Variants in JMJD1C observed in about 807,000 individuals in gnomAD.
JMJD1C encodes the protein jumonji domain containing 1C, also known as jumonji domain-containing protein 1C.
Under a neutral mutation model 245.3 loss-of-function variants are expected in JMJD1C, and 31 were observed. The ratio of observed to expected loss-of-function variants is 0.13; its 90% CI spans 0.09 to 0.17. JMJD1C has a LOEUF of 0.17. Ranked by LOEUF, JMJD1C falls within the 10% of genes least tolerant of loss-of-function variation. The probability of loss-of-function intolerance (pLI) is 1.00; values close to 1 mark genes in which losing one functional copy is unlikely to be tolerated. For synonymous variants in JMJD1C, 1,057 were observed against 1,017.4 expected, an observed-to-expected ratio of 1.04 and a Z score of -0.74; for missense variants, 2,691 against 3,000.2, an observed-to-expected ratio of 0.90 and a Z score of 2.41.
chr10:63,348,160 C>A (rs545413238), intron 2 of JMJD1C, among the ~76,000 whole-genome samples: 1 of 148,988 alleles, frequency 6.7e-6, no homozygotes, highest in Non-Finnish European at 1.5e-5. Flanking sequence ...GAGCTGGGAT[C>A]GCGCCATTGT....
intron 1 of JMJD1C, among the ~76,000 whole-genome samples, chr10:63,474,617 AT>A (rs1224287900): frequency 6.6e-6 from 1 of 151,846 alleles, no homozygotes; most frequent in Non-Finnish European, 1.5e-5. Flanking sequence ...CGTCCAGCTC[AT>A]TTTTTATTTT....
intron 1 of JMJD1C, among the ~76,000 whole-genome samples, chr10:63,425,130 A>C (rs1265621032): frequency 1.3e-5 from 2 of 152,218 alleles, no homozygotes; most frequent in African/African-American, 4.8e-5. Flanking sequence ...GGAAAAAAAT[A>C]AAAGTGGAAA....
chr10:63,199,598 A>G (rs190435827), intron 11 of JMJD1C, among the ~76,000 whole-genome samples: 3 of 151,786 alleles, frequency 2.0e-5, no homozygotes, highest in Admixed American at 1.3e-4. Flanking sequence ...CTTTTCCTAG[A>G]TTTTCTTATG....
chr10:63,279,250 C>T lies in JMJD1C; in HGVS notation c.334-14486G>A, dbSNP rs1045737831. ...GGGCAAAAGAGCAAAAACGTGGTCT[C>T]GAAACAAACAAAACAAATTACATAG... On this transcript the variant is annotated intron_variant, in intron 2 of 25. Coordinates refer to ENST00000399262, the MANE Select transcript of JMJD1C (RefSeq NM_032776.3). Among the ~76,000 whole-genome samples the T allele has an allele frequency of 7.3e-5, 11 of 151,656 alleles. 1 individual carries two copies. The highest frequency in any genetic ancestry group is 3.9e-4 in the Admixed American group (6 of 15,198).
intron 24 of JMJD1C, among the ~76,000 whole-genome samples, chr10:63,170,177 C>T (rs1159392614): frequency 2.0e-5 from 3 of 152,142 alleles, no homozygotes; most frequent in South Asian, 2.1e-4. Context: ...GTTCATCCAT[C>T]GTTTTCCTGA....
chr10:63,376,672 G>A (rs1181472188), intron 2 of JMJD1C, among the ~76,000 whole-genome samples: 2 of 152,110 alleles, frequency 1.3e-5, no homozygotes, highest in African/African-American at 4.8e-5. Context: ...CACATGAAAA[G>A]ATGCTCAACA....
intron 17 of JMJD1C, among the ~76,000 whole-genome samples, chr10:63,189,976 C>T (rs757240264): frequency 4.0e-5 from 6 of 151,386 alleles, no homozygotes; most frequent in African/African-American, 7.3e-5. Flanking sequence ...CTACAAGCTC[C>T]GCCTCCCAGA....
At chr10:63,477,050 A>G (rs1953684699) in intron 1 of JMJD1C, among the ~76,000 whole-genome samples, 1 of 152,170 alleles carries the variant, frequency 6.6e-6, no homozygotes, top group Admixed American at 6.6e-5. Flanking sequence ...CAAACTGTAG[A>G]CCTCTCTCAA....
intron 19 of JMJD1C, 149 bp downstream of exon 19, chr10:63,186,066 C>T (rs1034059682): frequency 2.3e-5 from 15 of 643,536 alleles, no homozygotes; most frequent in African/African-American, 3.7e-5. Context: ...GGGATTAGGA[C>T]CCAGTATTTT....
chr10:63,497,438 G>T (rs1480983642), intron 1 of JMJD1C, among the ~76,000 whole-genome samples: 1 of 152,166 alleles, frequency 6.6e-6, no homozygotes, highest in Non-Finnish European at 1.5e-5. Flanking sequence ...GAAATGTCCA[G>T]AACAGGCAAA....
chr10:63,344,876 C>T (rs1426997866), intron 2 of JMJD1C, among the ~76,000 whole-genome samples: 1 of 151,998 alleles, frequency 6.6e-6, no homozygotes, highest in Non-Finnish European at 1.5e-5. Context: ...CTAGTAATAC[C>T]AAGTTCTGGT....
At chr10:63,326,431 T>A (rs867618190) in intron 2 of JMJD1C, among the ~76,000 whole-genome samples, 5 of 148,482 alleles carry the variant, frequency 3.4e-5, no homozygotes, top group African/African-American at 1.3e-4. Context: ...TAAATAAAGA[T>A]AATAAAATAT....
intron 2 of JMJD1C, among the ~76,000 whole-genome samples, chr10:63,313,376 G>A (rs1186297939): frequency 6.6e-6 from 1 of 152,000 alleles, no homozygotes; most frequent in Non-Finnish European, 1.5e-5. Flanking sequence ...CCATATTTTT[G>A]TAATTCTAAA....
intron 1 of JMJD1C, among the ~76,000 whole-genome samples, chr10:63,407,720 A>G (rs1258018186): frequency 6.6e-6 from 1 of 151,954 alleles, no homozygotes; most frequent in African/African-American, 2.4e-5. Context: ...AGAAAACAAA[A>G]CATTAAAAAA....
At chr10:63,198,151 T>C (rs1368727523) in intron 12 of JMJD1C, among the ~76,000 whole-genome samples, 1 of 152,226 alleles carries the variant, frequency 6.6e-6, no homozygotes, top group Non-Finnish European at 1.5e-5. Context: ...GAGAGGTTAT[T>C]TGCCAAAGGT....
At chr10:63,179,471 T>C (rs1843217493) in intron 22 of JMJD1C, among the ~76,000 whole-genome samples, 1 of 151,622 alleles carries the variant, frequency 6.6e-6, no homozygotes, top group Non-Finnish European at 1.5e-5. Flanking sequence ...GAATACTATT[T>C]AGCCATAAAA....
intron 17 of JMJD1C, among the ~76,000 whole-genome samples, chr10:63,190,018 A>G (rs1844585375): frequency 1.3e-5 from 2 of 151,300 alleles, no homozygotes; most frequent in Admixed American, 1.3e-4. Flanking sequence ...AGACTCCCAA[A>G]TAGTTGAGAT....
At chr10:63,333,071 T>G (rs1007919429) in intron 2 of JMJD1C, among the ~76,000 whole-genome samples, 1 of 151,952 alleles carries the variant, frequency 6.6e-6, no homozygotes, top group Non-Finnish European at 1.5e-5. Flanking sequence ...AAACACAGTT[T>G]TTATAACACT....
chr10:63,335,360 A>G (rs959531942), intron 2 of JMJD1C, among the ~76,000 whole-genome samples: 3 of 152,228 alleles, frequency 2.0e-5, no homozygotes, highest in Non-Finnish European at 4.4e-5. Context: ...CTGCACTACC[A>G]TATGTTGAGA....
Sources: gnomAD v4.1 joint callset for allele counts (sites outside exome capture counted in the v4.1 genomes callset) on GRCh38, gnomAD v4.1.1 for gene constraint, MANE v1.5 for transcripts, NCBI Gene and HGNC (gene_info 2026-07-23, HGNC 2026-07-21) for gene names.